Variants in CELF5 observed in about 807,000 individuals in gnomAD.
CELF5 encodes the protein CUG-BP and ETR-3 like factor 5.
In CELF5, 6 loss-of-function variants were observed where a neutral mutation model predicts 54.9. The ratio of observed to expected loss-of-function variants is 0.11; its 90% confidence interval spans 0.06 to 0.22. The LOEUF is 0.22. CELF5 is among the 10% of genes least tolerant of loss of function. The pLI, the probability that CELF5 is intolerant of heterozygous loss-of-function variation, is 1.00. For missense variants in CELF5, 401 were observed against 678.6 expected, an observed-to-expected ratio of 0.59 and a Z score of 4.54; for synonymous variants, 271 against 290.9, an observed-to-expected ratio of 0.93 and a Z score of 0.70.
At chr19:3,264,173 C>A (rs563396739) in intron 2 of CELF5, among the ~76,000 whole-genome samples, 1 of 152,084 alleles carries the variant, frequency 6.6e-6, no homozygotes, top group African/African-American at 2.4e-5. Context: ...ACTCAGTAGG[C>A]TGAGGCAGGA....
chr19:3,263,255 A>AC, intron 2 of CELF5, among the ~76,000 whole-genome samples: 1 of 149,674 alleles, frequency 6.7e-6, no homozygotes, highest in Non-Finnish European at 1.5e-5. Context: ...TCAAAAAAAA[A>AC]AAAAAAAAAA....
At chr19:3,272,667 C>G (rs909353488) in intron 2 of CELF5, among the ~76,000 whole-genome samples, 1 of 152,152 alleles carries the variant, frequency 6.6e-6, no homozygotes, top group Non-Finnish European at 1.5e-5. Context: ...GGGGAGATGC[C>G]GTGGTTCCCT....
At chr19:3,254,020 G>A (rs561206409) in intron 2 of CELF5, among the ~76,000 whole-genome samples, 1 of 152,216 alleles carries the variant, frequency 6.6e-6, no homozygotes, top group African/African-American at 2.4e-5. Context: ...TCCTGTTGGG[G>A]GCCAAAACTG....
At chr19:3,262,324 C>T (rs770578294) in intron 2 of CELF5, among the ~76,000 whole-genome samples, 11 of 152,086 alleles carry the variant, frequency 7.2e-5, no homozygotes, top group Admixed American at 3.3e-4. Flanking sequence ...CCACCGCGCC[C>T]GGCCAAGAAA....
At chr19:3,246,750 C>A (rs548845139) in intron 1 of CELF5, among the ~76,000 whole-genome samples, 1 of 152,130 alleles carries the variant, frequency 6.6e-6, no homozygotes, top group Non-Finnish European at 1.5e-5. Flanking sequence ...TGCAGAGCAA[C>A]TTTATTCATA....
At chr19:3,257,982 CAG>C (rs2079755333) in intron 2 of CELF5, among the ~76,000 whole-genome samples, 1 of 148,126 alleles carries the variant, frequency 6.8e-6, no homozygotes, top group African/African-American at 2.5e-5. Context: ...TTTTTTTTGA[CAG>C]AGTTTTGCTC....
intron 2 of CELF5, chr19:3,270,696 T>G (rs1049358033): frequency 2.7e-5 from 4 of 147,348 alleles, no homozygotes; most frequent in Non-Finnish European, 4.5e-5. Flanking sequence ...GGCCGCGGGG[T>G]GGGGACGGCC....
In CELF5 at chr19:3,256,259, G is replaced by GT. The variant is rs200836065; in HGVS notation, c.342+5193dup. On this transcript the variant is annotated intron_variant, in intron 2 of 12. Transcript: ENST00000292672. Reference sequence around the variant, plus strand: ...GGAGAATTTCTACCTTACTTTCAAGGTAACAGCTGGCCGTCTCCTCCTTCT... The same window carrying GT: ...GGAGAATTTCTACCTTACTTTCAAGGTTAACAGCTGGCCGTCTCCTCCTTCT... 1.2e-4 allele frequency among the ~76,000 whole-genome samples: 19 copies of GT among 152,042 alleles called. No individual in the cohort carries two copies. The East Asian group carries it at 3.5e-3, about 28-fold the overall frequency.
chr19:3,231,735 G>A (rs1041461440), intron 1 of CELF5, among the ~76,000 whole-genome samples: 1 of 122,724 alleles, frequency 8.1e-6, no homozygotes, highest in Non-Finnish European at 1.7e-5. Flanking sequence ...TGATGGGGGA[G>A]CGATGGATGG....
intron 1 of CELF5, among the ~76,000 whole-genome samples, chr19:3,244,120 C>G (rs183668890): frequency 1.5e-4 from 23 of 152,114 alleles, no homozygotes; most frequent in Admixed American, 1.4e-3. Context: ...CGCATTTTCA[C>G]CAGCTAGAAA....
chr19:3,227,276 C>T (rs1240418701), intron 1 of CELF5, among the ~76,000 whole-genome samples: 2 of 152,194 alleles, frequency 1.3e-5, no homozygotes, highest in African/African-American at 4.8e-5. Flanking sequence ...TGACTTCTGG[C>T]TAGTGACTGC....
chr19:3,233,009 G>A, intron 1 of CELF5, among the ~76,000 whole-genome samples: 1 of 152,006 alleles, frequency 6.6e-6, no homozygotes, highest in East Asian at 1.9e-4. Context: ...GGGAGGCAGA[G>A]GTTGTGGTGA....
At chr19:3,242,454 T>G (rs1215075829) in intron 1 of CELF5, among the ~76,000 whole-genome samples, 1 of 151,694 alleles carries the variant, frequency 6.6e-6, no homozygotes, top group Non-Finnish European at 1.5e-5. Context: ...GCGGATCACT[T>G]GAGGTCAGCA....
Position 3,281,669 on chromosome 19 carries a change from C to T in CELF5, c.750+324C>T, listed in dbSNP as rs1163563346. Among the ~76,000 whole-genome samples, 2 of 152,216 alleles carry T rather than the reference C, an allele frequency of 1.3e-5. No homozygotes were observed. Among genetic ancestry groups the T allele is most frequent in the Non-Finnish European group, 2.9e-5 (2 of 68,046 alleles). ...AGACCTGACCTGATCAAGCTCCACCCTGGCTGAGACCTGATCCCAAGTTGA... is the reference window on the plus strand; with the variant it reads ...AGACCTGACCTGATCAAGCTCCACCTTGGCTGAGACCTGATCCCAAGTTGA... On this transcript the variant is annotated intron_variant, in intron 6 of 12. Transcript: ENST00000292672. The surrounding 1 kb of genome is among the most constrained non-coding windows in gnomAD (Gnocchi z 6.5).
At chr19:3,276,730 G>C (rs1225659230) in intron 4 of CELF5, among the ~76,000 whole-genome samples, 28 of 150,678 alleles carry the variant, frequency 1.9e-4, no homozygotes, top group Non-Finnish European at 1.5e-5. Context: ...CCTTGGGGAA[G>C]GGCAAGGCTT....
rs181658159 is a variant in CELF5, at chr19:3,264,411, T to G, written c.343-9461T>G. 2.0e-4 allele frequency among the ~76,000 whole-genome samples: 30 copies of G among 151,686 alleles called. No homozygotes were observed. The East Asian group carries it at 5.6e-3, about 28-fold the overall frequency. On this transcript the variant is annotated intron_variant, in intron 2 of 12. Transcript: ENST00000292672. ...TCACTGTTTTTTCTTTTTCTTTTTC[T>G]TTTCTTTCTTTTTTTTTTTTAAGAG...
At chr19:3,284,734 A>C in intron 8 of CELF5, 168 bp from the exon 9 acceptor site, 1 of 639,784 alleles carries the variant, frequency 1.6e-6, no homozygotes, top group South Asian at 1.8e-5. Flanking sequence ...GGCCCTGTGC[A>C]AGTGGCTTCA....
At chr19:3,256,221 G>T (rs2079723872) in intron 2 of CELF5, among the ~76,000 whole-genome samples, 1 of 152,012 alleles carries the variant, frequency 6.6e-6, no homozygotes, top group East Asian at 1.9e-4. Flanking sequence ...GTGGGTAACT[G>T]CCTCTCCCGC....
chr19:3,257,718 C>T (rs1224737419), intron 2 of CELF5, among the ~76,000 whole-genome samples: 1 of 151,838 alleles, frequency 6.6e-6, no homozygotes, highest in Non-Finnish European at 1.5e-5. Flanking sequence ...TCAGATGATC[C>T]GCCTGCCTCG....
Sources: gnomAD v4.1 joint callset for allele counts (sites outside exome capture counted in the v4.1 genomes callset) on GRCh38, gnomAD v4.1.1 for gene constraint, Gnocchi (gnomAD v3.1) non-coding constraint, MANE v1.5 for transcripts, NCBI Gene and HGNC (gene_info 2026-07-23, HGNC 2026-07-21) for gene names.